The following PCDHGB6 variants were observed in gnomAD, a reference collection of about 807,000 sequenced individuals.
The protein encoded by PCDHGB6 is protocadherin gamma subfamily B, 6.
PCDHGB6 carries 51 observed loss-of-function variants against 59.1 expected under a neutral mutation model. The observed-to-expected ratio is 0.86, with a 90% CI of 0.69 to 1.09. PCDHGB6 has a LOEUF of 1.09. PCDHGB6 is among the 50% of genes least tolerant of loss of function. The probability of loss-of-function intolerance (pLI) is 0.00; values close to 1 mark genes in which losing one functional copy is unlikely to be tolerated. For synonymous variants in PCDHGB6, 466 were observed against 495.1 expected (o/e 0.94, Z 0.78); for missense variants, 1,148 against 1,205.1 (o/e 0.95, Z 0.70).
chr5:141,467,055 C>CTTTTT (rs1193465269), intron 1 of PCDHGB6, among the ~76,000 whole-genome samples: 1 of 134,496 alleles, frequency 7.4e-6, no homozygotes, highest in Non-Finnish European at 1.6e-5. Context: ...TCAATGTTTT[C>CTTTTT]TTTTTTTTTT....
At chr5:141,505,777 TCTG>T (rs77860300) in intron 3 of PCDHGB6, among the ~76,000 whole-genome samples, 6,508 of 152,280 alleles carry the variant, frequency 0.043, 161 homozygotes, top group Middle Eastern at 0.13. Context: ...AGGTCCTAGC[TCTG>T]CTACTATCCT....
intron 1 of PCDHGB6, among the ~76,000 whole-genome samples, chr5:141,420,727 G>C (rs1454487477): frequency 2.0e-5 from 3 of 152,180 alleles, no homozygotes; most frequent in African/African-American, 7.2e-5. Flanking sequence ...CTTTCAGTCG[G>C]TTAAAATCAA....
intron 1 of PCDHGB6, among the ~76,000 whole-genome samples, chr5:141,435,732 C>T (rs2097777160): frequency 6.6e-6 from 1 of 152,150 alleles, no homozygotes; most frequent in South Asian, 2.1e-4. Flanking sequence ...AAGTGTATTA[C>T]TCTTTGAAAA....
rs150714552 is a variant in PCDHGB6, at chr5:141,473,285, G to A, written c.2419-21522G>A. On this transcript the variant is annotated intron_variant, in intron 1 of 3. Transcript: ENST00000520790. ...GTGTATGCTATGATTATTTTACTATGTCAGTAGCATAAAGATTGCTATATT... is the reference window on the plus strand; with the variant it reads ...GTGTATGCTATGATTATTTTACTATATCAGTAGCATAAAGATTGCTATATT... 3.9e-3 allele frequency among the ~76,000 whole-genome samples: 590 copies of A among 152,296 alleles called. 6 individuals are homozygous for A. Among genetic ancestry groups the A allele is most frequent in the Admixed American group, 0.011 (170 of 15,296 alleles).
chr5:141,432,053 C>T lies in PCDHGB6; in HGVS notation c.2418+21433C>T. The T allele has an allele frequency of 6.2e-7, 1 of 1,614,240 alleles. No homozygotes were observed. Among genetic ancestry groups the T allele is most frequent in the South Asian group, 1.1e-5 (1 of 91,082 alleles). ...CGCCACTGACCGGGGAACCCCGCCC[C>T]TATCCACGGAAACTCATATCTCGCT... On this transcript the variant is annotated intron_variant, in intron 1 of 3. Transcript: ENST00000520790. The surrounding 1 kb of genome is among the most constrained non-coding windows in gnomAD (Gnocchi z 6.0).
chr5:141,477,932 C>G lies in PCDHGB6; in HGVS notation c.2419-16875C>G, dbSNP rs1193822505. The G allele has an allele frequency of 3.1e-6, 5 of 1,614,040 alleles. No individual in the cohort carries two copies. The highest frequency in any genetic ancestry group is 4.2e-6 in the Non-Finnish European group (5 of 1,180,042). On this transcript the variant is annotated intron_variant, in intron 1 of 3. Transcript: ENST00000520790. This position sits in a 1 kb window ranked among gnomAD's most constrained non-coding sequence, Gnocchi z 4.9. ...CGCGGATGCAGGGCACAATGCCTGG[C>G]TCTCCTACAGTCTCTTGGGATCCCC... is the stretch of plus-strand genomic sequence containing the variant.
Position 141,410,173 on chromosome 5 carries a change from C to G in PCDHGB6, c.1971C>G (p.Thr657=), listed in dbSNP as rs544938164. ...RDGGQPPLSA[T]ATLHLVFADN... is the part of the protein sequence containing the mutation. ...GTGGACAGCCGCCACTCTCTGCCACCGCCACGCTTCATCTGGTCTTCGCAG... is the reference window on the plus strand; with the variant it reads ...GTGGACAGCCGCCACTCTCTGCCACGGCCACGCTTCATCTGGTCTTCGCAG... The change falls in exon 1 of 4, where the codon ACC becomes ACG. Residue 657 remains threonine (T), a synonymous_variant. Coordinates refer to ENST00000520790, the MANE Select transcript of PCDHGB6 (RefSeq NM_018926.3). The G allele has an allele frequency of 6.2e-6, 10 of 1,613,842 alleles. No individual in the cohort carries two copies. The African/African-American group carries it at 9.3e-5, about 15-fold the overall frequency.
rs1004089667 is a variant in PCDHGB6, at chr5:141,497,399, C to G, written c.2477+2534C>G. The stretch of plus-strand genomic sequence containing the variant: ...TGGGGTGAGCACCTTACCCCTGCCT[C>G]AACTCCCATTCCATCAAATGAGAGG... On this transcript the variant is annotated intron_variant, in intron 2 of 3. Coordinates refer to ENST00000520790, the MANE Select transcript of PCDHGB6 (RefSeq NM_018926.3). Among the ~76,000 whole-genome samples the G allele has an allele frequency of 5.9e-5, 9 of 152,146 alleles. 1 individual carries two copies. The highest frequency in any genetic ancestry group is 1.2e-4 in the Non-Finnish European group (8 of 68,034).
chr5:141,425,962 C>T (rs2096906059), intron 1 of PCDHGB6, among the ~76,000 whole-genome samples: 2 of 152,236 alleles, frequency 1.3e-5, no homozygotes, highest in African/African-American at 2.4e-5. Flanking sequence ...TAGTCCAACA[C>T]ATCAGTCTAA....
At position 141,477,056 on chromosome 5, in the gene PCDHGB6, G is replaced by T; in HGVS notation, c.2419-17751G>T. 6.2e-7 allele frequency: 1 copy of T among 1,614,242 alleles called. No homozygotes were observed. The highest frequency in any genetic ancestry group is 8.5e-7 in the Non-Finnish European group (1 of 1,180,046). Reference sequence around the variant, plus strand: ...AATCAAGGGTCGGCTGGACTTCGAGGACACCAAACTCCATGAGATTTACAT... The same window carrying T: ...AATCAAGGGTCGGCTGGACTTCGAGTACACCAAACTCCATGAGATTTACAT... On this transcript the variant is annotated intron_variant, in intron 1 of 3. Coordinates refer to ENST00000520790, the MANE Select transcript of PCDHGB6 (RefSeq NM_018926.3). This position sits in a 1 kb window ranked among gnomAD's most constrained non-coding sequence, Gnocchi z 4.9.
chr5:141,508,777 AG>A (rs1428861784), intron 3 of PCDHGB6, among the ~76,000 whole-genome samples: 3 of 150,778 alleles, frequency 2.0e-5, no homozygotes, highest in Non-Finnish European at 4.4e-5. Context: ...TCCCCCCTCT[AG>A]CCCCTAAATC....
In PCDHGB6 at chr5:141,477,669, T is replaced by C; in HGVS notation, c.2419-17138T>C. Reference sequence around the variant, plus strand: ...TTCACAATAAATCGTGACAATGGCATAGTGTCATCCTTAGTGCCCCTAGAC... The same window carrying C: ...TTCACAATAAATCGTGACAATGGCACAGTGTCATCCTTAGTGCCCCTAGAC... On this transcript the variant is annotated intron_variant, in intron 1 of 3. Coordinates refer to ENST00000520790, the MANE Select transcript of PCDHGB6 (RefSeq NM_018926.3). This position sits in a 1 kb window ranked among gnomAD's most constrained non-coding sequence, Gnocchi z 4.9. 6.2e-7 allele frequency: 1 copy of C among 1,614,200 alleles called. No individual in the cohort carries two copies. Among genetic ancestry groups the C allele is most frequent in the Non-Finnish European group, 8.5e-7 (1 of 1,180,030 alleles).
In PCDHGB6 at chr5:141,409,405, C is replaced by G; in HGVS notation, c.1203C>G (p.Tyr401Ter). ...PFKIYSSSNN[Y>*]YKLVTDGALD... is the part of the protein sequence containing the mutation. ...AGATTTATTCTTCTTCCAATAACTA[C>G]TACAAACTGGTGACAGATGGAGCCC... Residue 401 changes from tyrosine to a stop codon, truncating the protein, a stop_gained, in exon 1 of 4, where the codon TAC becomes TAG. Coordinates refer to ENST00000520790, the MANE Select transcript of PCDHGB6 (RefSeq NM_018926.3). LOFTEE classifies it high-confidence loss of function. 1 of 1,614,050 alleles carries G rather than the reference C, an allele frequency of 6.2e-7. No individual in the cohort carries two copies. Among genetic ancestry groups the G allele is most frequent in the Non-Finnish European group, 8.5e-7 (1 of 1,179,894 alleles).
At chr5:141,427,695 C>T in intron 1 of PCDHGB6, 1 of 918,214 alleles carries the variant, frequency 1.1e-6, no homozygotes, top group Non-Finnish European at 1.7e-6. Context: ...CTCCATCCCA[C>T]AAGTCAGCGC....
At chr5:141,423,375 G>C in intron 1 of PCDHGB6, 1 of 1,614,192 alleles carries the variant, frequency 6.2e-7, no homozygotes, top group Non-Finnish European at 8.5e-7. Context: ...TGGCACTCAG[G>C]CTGTGGCGCT....
chr5:141,506,177 G>A (rs1024892091), intron 3 of PCDHGB6, among the ~76,000 whole-genome samples: 16 of 152,142 alleles, frequency 1.1e-4, no homozygotes, highest in Admixed American at 4.6e-4. Flanking sequence ...TAAGCTGGGC[G>A]TGGTGGCTCA....
intron 1 of PCDHGB6, chr5:141,478,470 G>A (rs753075137): frequency 1.2e-6 from 2 of 1,613,686 alleles, no homozygotes; most frequent in Non-Finnish European, 1.7e-6. Context: ...CTGGCCAGCC[G>A]CCAGAACACG....
intron 1 of PCDHGB6, chr5:141,420,309 A>G (rs1263620304): frequency 2.7e-6 from 4 of 1,460,536 alleles, no homozygotes; most frequent in Non-Finnish European, 3.7e-6. Context: ...TCCTTTTTAT[A>G]TTACAATATG....
At position 141,486,694 on chromosome 5, in the gene PCDHGB6, C is replaced by T. The variant is rs1275794121; in HGVS notation, c.2419-8113C>T. ...ATCGAGATGTATCAGCTTCCTCTTTCATCTCTCTGAACCCCCAGACAGGAG... is the reference window on the plus strand; with the variant it reads ...ATCGAGATGTATCAGCTTCCTCTTTTATCTCTCTGAACCCCCAGACAGGAG... On this transcript the variant is annotated intron_variant, in intron 1 of 3. Transcript: ENST00000520790. This position sits in a 1 kb window ranked among gnomAD's most constrained non-coding sequence, Gnocchi z 5.0. 1.2e-6 allele frequency: 2 copies of T among 1,614,168 alleles called. No individual in the cohort carries two copies. Among genetic ancestry groups the T allele is most frequent in the Non-Finnish European group, 1.7e-6 (2 of 1,180,044 alleles).
Sources: gnomAD v4.1 joint callset for allele counts (sites outside exome capture counted in the v4.1 genomes callset) on GRCh38, gnomAD v4.1.1 for gene constraint, Gnocchi (gnomAD v3.1) non-coding constraint, MANE v1.5 for transcripts, NCBI Gene and HGNC (gene_info 2026-07-23, HGNC 2026-07-21) for gene names.